CACNA1H: variants seen among roughly 807,000 people sequenced by gnomAD.
The protein encoded by CACNA1H is calcium voltage-gated channel subunit alpha1 H.
CACNA1H carries 149 observed loss-of-function variants against 192.5 expected under a neutral mutation model. The observed-to-expected ratio is 0.77, with a 90% CI of 0.68 to 0.89. The LOEUF (loss-of-function observed/expected upper bound fraction) is 0.89. Ranked by LOEUF, CACNA1H falls within the 40% of genes least tolerant of loss-of-function variation. CACNA1H has a pLI of 0.00. For synonymous variants in CACNA1H, 2,202 were observed against 1,475.2 expected (o/e 1.49, Z -11.29); for missense variants, 4,257 against 3,423.5 (o/e 1.24, Z -6.08).
intron 26 of CACNA1H, among the ~76,000 whole-genome samples, chr16:1,213,339 A>T (rs1969678738): frequency 6.6e-6 from 1 of 152,192 alleles, no homozygotes; most frequent in Non-Finnish European, 1.5e-5. Flanking sequence ...GGCAAGGAGT[A>T]GACCACAGAG....
chr16:1,166,051 G>C (rs1216339733), intron 2 of CACNA1H, among the ~76,000 whole-genome samples: 4 of 152,230 alleles, frequency 2.6e-5, no homozygotes, highest in African/African-American at 7.2e-5. Flanking sequence ...ATTCCCATTT[G>C]TGACTTGGAA....
chr16:1,202,218 C>A lies in CACNA1H; in HGVS notation c.1768C>A (p.Arg590=). ...CHIEGPQERA[R]VAHAAATAAA... ...CATAGAGGGGCCGCAGGAGAGGGCC[C>A]GGGTGGCACATGCCGCAGCCACTGC... is the stretch of plus-strand genomic sequence containing the variant. Residue 590 remains arginine (R), a synonymous_variant, in exon 9 of 35, where the codon CGG becomes AGG. Coordinates refer to ENST00000348261, the MANE Select transcript of CACNA1H (RefSeq NM_021098.3). 6.4e-7 allele frequency: 1 copy of A among 1,553,656 alleles called. No individual in the cohort carries two copies. Among genetic ancestry groups the A allele is most frequent in the South Asian group, 1.2e-5 (1 of 84,338 alleles).
chr16:1,165,369 C>T lies in CACNA1H; in HGVS notation c.299+11333C>T, dbSNP rs927190233. Among the ~76,000 whole-genome samples, 9 of 152,316 alleles carry T rather than the reference C, an allele frequency of 5.9e-5. No individual in the cohort carries two copies. The East Asian group carries it at 9.7e-4, about 16-fold the overall frequency. On this transcript the variant is annotated intron_variant, in intron 2 of 34. Coordinates refer to ENST00000348261, the MANE Select transcript of CACNA1H (RefSeq NM_021098.3). ...TGAGCCTGCTGGTCCTCCCGGGCCACGCTCTTTCGTGACAGCACAGAGTTT... is the reference window on the plus strand; with the variant it reads ...TGAGCCTGCTGGTCCTCCCGGGCCATGCTCTTTCGTGACAGCACAGAGTTT...
chr16:1,197,495 C>G (rs1967122786), intron 5 of CACNA1H, among the ~76,000 whole-genome samples: 1 of 152,220 alleles, frequency 6.6e-6, no homozygotes, highest in Non-Finnish European at 1.5e-5. Context: ...GCTCCTGTCT[C>G]TAGGAGAGAA....
At chr16:1,215,958 G>C (rs1969990855) in intron 30 of CACNA1H, among the ~76,000 whole-genome samples, 1 of 152,138 alleles carries the variant, frequency 6.6e-6, no homozygotes, top group Admixed American at 6.5e-5. Flanking sequence ...GCGGGCCCGG[G>C]GCCCCCTCGG....
chr16:1,209,790 G>C lies in CACNA1H; in HGVS notation c.3745-245G>C, dbSNP rs117352555. Among the ~76,000 whole-genome samples the C allele has an allele frequency of 8.5e-5, 13 of 152,268 alleles. No individual in the cohort carries two copies. In the East Asian group the frequency reaches 2.1e-3, roughly 25 times the overall value. The stretch of plus-strand genomic sequence containing the variant: ...CAGAGTCAGGGACCCAAGAGCACCC[G>C]CTCACCTGGCCCCGTGGACTCCAGC... On this transcript the variant is annotated intron_variant, in intron 17 of 34. Coordinates refer to ENST00000348261, the MANE Select transcript of CACNA1H (RefSeq NM_021098.3).
intron 9 of CACNA1H, 77 bp downstream of exon 9, chr16:1,202,529 C>A: frequency 7.8e-7 from 1 of 1,282,910 alleles, no homozygotes; most frequent in Non-Finnish European, 1.0e-6. Flanking sequence ...TGTGTCATTC[C>A]CACACCCATT....
chr16:1,168,031 G>A (rs542222962), intron 2 of CACNA1H, among the ~76,000 whole-genome samples: 2 of 152,288 alleles, frequency 1.3e-5, no homozygotes, highest in Non-Finnish European at 1.5e-5. Flanking sequence ...TTCGAGTTGG[G>A]GGACATTTTG....
chr16:1,206,675 C>CG (rs1968751899), intron 12 of CACNA1H: 1 of 425,422 alleles, frequency 2.4e-6, no homozygotes, highest in Non-Finnish European at 4.3e-6. Flanking sequence ...CCAGGCAGGC[C>CG]GGGCTTTCAC....
rs767430122 is a variant in CACNA1H, at chr16:1,200,259, C to G, written c.807C>G (p.Asn269Lys). ...CCCTGGCTGTGCCCATCCCCAGGAA[C>G]AACAACCTGACCTTCCTGCGGCCGT... Reference protein sequence around the residue: ...RCFLDSAFVRNNNLTFLRPYY... With the variant: ...RCFLDSAFVRKNNLTFLRPYY... Residue 269 changes from asparagine (N) to lysine (K), a missense_variant, in exon 7 of 35, where the codon AAC (asparagine) becomes AAG (lysine). Coordinates refer to ENST00000348261, the MANE Select transcript of CACNA1H (RefSeq NM_021098.3). 10 of 1,596,088 alleles carry G rather than the reference C, an allele frequency of 6.3e-6. No homozygotes were observed. The highest frequency in any genetic ancestry group is 1.7e-4 in the Middle Eastern group (1 of 6,010).
chr16:1,171,831 C>G (rs1964398689), intron 2 of CACNA1H, among the ~76,000 whole-genome samples: 2 of 152,250 alleles, frequency 1.3e-5, no homozygotes, highest in African/African-American at 4.8e-5. Flanking sequence ...CGAGCGCCAG[C>G]TGGGTCTGAG....
At position 1,198,746 on chromosome 16, in the gene CACNA1H, C is replaced by T; in HGVS notation, c.775C>T (p.Arg259Cys). ...GCTCTGGGCTGGCCTCCTGCGGAAC[C>T]GCTGCTTCCTGGACAGTGCCTTTGT... ...VQLWAGLLRN[R>C]CFLDSAFVRN... The change falls in exon 6 of 35, where the codon CGC (arginine) becomes TGC (cysteine). Residue 259 changes from arginine (R) to cysteine (C), a missense_variant. Coordinates refer to ENST00000348261, the MANE Select transcript of CACNA1H (RefSeq NM_021098.3). The T allele has an allele frequency of 3.1e-6, 5 of 1,612,558 alleles. No homozygotes were observed. Among genetic ancestry groups the T allele is most frequent in the Non-Finnish European group, 4.2e-6 (5 of 1,179,480 alleles).
intron 2 of CACNA1H, chr16:1,159,750 CCACACACT>C (rs1163363028): frequency 1.3e-5 from 2 of 152,306 alleles, no homozygotes; most frequent in African/African-American, 2.4e-5. Context: ...CACTGGTGTC[CCACACACT>C]CAGGCCCAGA....
At position 1,200,703 on chromosome 16, in the gene CACNA1H, A is replaced by C. The variant is rs1412991121; in HGVS notation, c.1120-13A>C. 7 of 1,565,980 alleles carry C rather than the reference A, an allele frequency of 4.5e-6. No homozygotes were observed. Among genetic ancestry groups the C allele is most frequent in the Non-Finnish European group, 6.1e-6 (7 of 1,155,404 alleles). On this transcript the variant is annotated splice_polypyrimidine_tract_variant and intron_variant, in intron 7 of 34. Coordinates refer to ENST00000348261, the MANE Select transcript of CACNA1H (RefSeq NM_021098.3). ...GGGTCGTGCGGGCCCAAGTCAAGCCACTGCCCCCCCAGGTGATCACGCTGG... is the reference window on the plus strand; with the variant it reads ...GGGTCGTGCGGGCCCAAGTCAAGCCCCTGCCCCCCCAGGTGATCACGCTGG...
chr16:1,186,769 A>T (rs1485032677), intron 2 of CACNA1H, among the ~76,000 whole-genome samples: 1 of 152,050 alleles, frequency 6.6e-6, no homozygotes, highest in Non-Finnish European at 1.5e-5. Flanking sequence ...GGCAGTGGAG[A>T]TATTCTGCCC....
chr16:1,155,139 C>T (rs567976623), intron 2 of CACNA1H, among the ~76,000 whole-genome samples: 249 of 152,370 alleles, frequency 1.6e-3, no homozygotes, highest in Middle Eastern at 0.01. Flanking sequence ...CAAAAAAAGT[C>T]ATAAAGCCCG....
At chr16:1,159,297 C>G (rs935440736) in intron 2 of CACNA1H, among the ~76,000 whole-genome samples, 2 of 152,144 alleles carry the variant, frequency 1.3e-5, no homozygotes, top group Non-Finnish European at 2.9e-5. Flanking sequence ...TCCATGAGCC[C>G]GGTGGGCACA....
At chr16:1,183,803 C>G (rs1965715154) in intron 2 of CACNA1H, among the ~76,000 whole-genome samples, 2 of 152,256 alleles carry the variant, frequency 1.3e-5, no homozygotes, top group African/African-American at 4.8e-5. Flanking sequence ...TGTTGCTCCC[C>G]CAGTGGGGTC....
chr16:1,197,933 G>T (rs751467566), intron 5 of CACNA1H, among the ~76,000 whole-genome samples: 7 of 152,128 alleles, frequency 4.6e-5, no homozygotes, highest in Non-Finnish European at 7.4e-5. Flanking sequence ...TGGAGTTCAC[G>T]TAGCCCATAG....
Sources: allele counts gnomAD v4.1 joint callset (sites outside exome capture counted in the v4.1 genomes callset), GRCh38; gene constraint gnomAD v4.1.1; transcripts MANE v1.5; gene names NCBI Gene and HGNC (gene_info 2026-07-23, HGNC 2026-07-21).